The following ATP8B4 variants were observed in gnomAD, a reference collection of about 807,000 sequenced individuals.
ATP8B4 encodes the protein probable phospholipid-transporting ATPase IM.
In ATP8B4, 133 loss-of-function variants were observed where a neutral mutation model predicts 145.6. That is an observed-to-expected ratio of 0.91 (90% CI 0.79 to 1.05). The LOEUF is 1.05. Ranked by LOEUF, ATP8B4 falls within the 50% of genes least tolerant of loss-of-function variation. ATP8B4 has a pLI of 0.00. For missense variants in ATP8B4, 1,458 were observed against 1,425.2 expected (o/e 1.02, Z -0.37); for synonymous variants, 507 against 492.9 (o/e 1.03, Z -0.38).
intron 14 of ATP8B4, among the ~76,000 whole-genome samples, chr15:49,952,330 C>A (rs1459891928): frequency 6.6e-6 from 1 of 152,210 alleles, no homozygotes; most frequent in African/African-American, 2.4e-5. Context: ...TTCTGGTCCT[C>A]CAATCAATCA....
At chr15:50,113,832 C>T (rs938616325) in intron 1 of ATP8B4, among the ~76,000 whole-genome samples, 1 of 63,160 alleles carries the variant, frequency 1.6e-5, no homozygotes, top group African/African-American at 6.6e-5. Flanking sequence ...ACACGAAACT[C>T]CATCTCAAAA....
chr15:50,074,835 G>C (rs902305825), intron 2 of ATP8B4, among the ~76,000 whole-genome samples: 1 of 152,154 alleles, frequency 6.6e-6, no homozygotes, highest in South Asian at 2.1e-4. Context: ...ATTTGCAGAG[G>C]GCAAGATAAG....
chr15:50,177,459 G>C (rs867296680), intron 1 of ATP8B4, among the ~76,000 whole-genome samples: 7 of 152,218 alleles, frequency 4.6e-5, no homozygotes, highest in African/African-American at 1.4e-4. Flanking sequence ...GGGTTTATAA[G>C]TTCAGTACAA....
chr15:50,006,568 G>A lies in ATP8B4; in HGVS notation c.435+4277C>T, dbSNP rs186894042. 4.1e-4 allele frequency among the ~76,000 whole-genome samples: 62 copies of A among 149,942 alleles called. 1 individual carries two copies. The highest frequency in any genetic ancestry group is 1.5e-3 in the African/African-American group (61 of 40,726). ...TGAAAAAGAACAGATGAAATTCCCT[G>A]ATGAGTCAAGAAAGAGCAAAAGCCC... On this transcript the variant is annotated intron_variant, in intron 7 of 27. Transcript: ENST00000284509.
intron 20 of ATP8B4, among the ~76,000 whole-genome samples, chr15:49,909,344 C>A (rs1220897468): frequency 6.6e-6 from 1 of 152,212 alleles, no homozygotes; most frequent in Non-Finnish European, 1.5e-5. Flanking sequence ...AATGGCCTGA[C>A]CAGCCTGTCA....
At chr15:49,932,658 A>C (rs1371174113) in intron 15 of ATP8B4, among the ~76,000 whole-genome samples, 2 of 152,084 alleles carry the variant, frequency 1.3e-5, no homozygotes, top group South Asian at 4.1e-4. Context: ...AAAGAAGCAC[A>C]TTAGCCAGCA....
chr15:50,122,885 C>T (rs917270503), upstream of ATP8B4, among the ~76,000 whole-genome samples: 16 of 152,124 alleles, frequency 1.1e-4, no homozygotes, highest in African/African-American at 3.6e-4. Context: ...GCCTTAACTT[C>T]CTGGTTGCAA....
At position 49,898,077 on chromosome 15, in the gene ATP8B4, T is replaced by A. The variant is rs765659718; in HGVS notation, c.2464A>T (p.Met822Leu). 1.9e-6 allele frequency: 3 copies of A among 1,613,684 alleles called. No individual in the cohort carries two copies. The highest frequency in any genetic ancestry group is 2.5e-6 in the Non-Finnish European group (3 of 1,179,790). ...GCAAATATCCTCTTACTTTTAATCA[T>A]GCTGACATCATTGGCTCCATCACCA... ...AIGDGANDVSMIKSAHIGVGI... is the reference protein window; with the variant it reads ...AIGDGANDVSLIKSAHIGVGI... Residue 822 changes from methionine to leucine, a missense_variant, in exon 22 of 28, where the codon ATG (methionine) becomes TTG (leucine). Met to Leu is a conservative substitution (Grantham distance 15). Transcript: ENST00000284509.
chr15:50,008,911 C>G (rs1320785575), intron 7 of ATP8B4, among the ~76,000 whole-genome samples: 1 of 152,116 alleles, frequency 6.6e-6, no homozygotes, highest in Non-Finnish European at 1.5e-5. Flanking sequence ...TAGCATTGCC[C>G]CTGAAATATT....
chr15:50,123,940 T>C (rs2057290825), upstream of ATP8B4, among the ~76,000 whole-genome samples: 1 of 152,082 alleles, frequency 6.6e-6, no homozygotes, highest in South Asian at 2.1e-4. Flanking sequence ...ATAAAGATAA[T>C]TCAAAGTTTT....
At chr15:50,168,209 A>G (rs988261273) in intron 1 of ATP8B4, among the ~76,000 whole-genome samples, 4 of 152,198 alleles carry the variant, frequency 2.6e-5, no homozygotes, top group Non-Finnish European at 5.9e-5. Flanking sequence ...GGGAGCTCCC[A>G]ACAGAGCAGC....
intron 1 of ATP8B4, among the ~76,000 whole-genome samples, chr15:50,138,961 A>G (rs2044169858): frequency 6.6e-6 from 1 of 152,196 alleles, no homozygotes; most frequent in Non-Finnish European, 1.5e-5. Flanking sequence ...AAGGCTGTGG[A>G]AAAAACAATG....
chr15:50,013,232 G>T (rs2048846807), intron 6 of ATP8B4, among the ~76,000 whole-genome samples: 1 of 151,992 alleles, frequency 6.6e-6, no homozygotes, highest in South Asian at 2.1e-4. Flanking sequence ...AAACATGAAA[G>T]CAGACACTCC....
intron 14 of ATP8B4, among the ~76,000 whole-genome samples, chr15:49,944,353 G>C (rs2042396458): frequency 6.6e-6 from 1 of 152,138 alleles, no homozygotes; most frequent in African/African-American, 2.4e-5. Flanking sequence ...GACACACATA[G>C]TCTAAAAGTG....
intron 3 of ATP8B4, among the ~76,000 whole-genome samples, chr15:50,052,420 C>T (rs577347474): frequency 1.3e-5 from 2 of 152,348 alleles, no homozygotes; most frequent in African/African-American, 4.8e-5. Flanking sequence ...GGCTTGGGCT[C>T]ACAGTCACAG....
rs146795858 is a variant in ATP8B4, at chr15:50,016,170, G to C, written c.363-5253C>G. 3.3e-4 allele frequency among the ~76,000 whole-genome samples: 50 copies of C among 152,310 alleles called. No individual in the cohort carries two copies. In the East Asian group the frequency reaches 8.3e-3, roughly 25 times the overall value. On this transcript the variant is annotated intron_variant, in intron 6 of 27. Coordinates refer to ENST00000284509, the MANE Select transcript of ATP8B4 (RefSeq NM_024837.4). ...GTTTTACCTGAACAATAAGCCTGCT[G>C]AATGTTTTACAGGAAATGTATTCTC...
intron 12 of ATP8B4, among the ~76,000 whole-genome samples, chr15:49,977,489 C>G (rs2045773763): frequency 6.6e-6 from 1 of 152,034 alleles, no homozygotes; most frequent in Non-Finnish European, 1.5e-5. Flanking sequence ...AACACTGTCC[C>G]AACTCTCAGA....
chr15:50,013,446 T>C (rs2048864283), intron 6 of ATP8B4, among the ~76,000 whole-genome samples: 1 of 152,138 alleles, frequency 6.6e-6, no homozygotes, highest in Non-Finnish European at 1.5e-5. Context: ...ATGAATATTC[T>C]GAAAAGAAAG....
chr15:49,952,444 T>G (rs191557022), intron 14 of ATP8B4, among the ~76,000 whole-genome samples: 8 of 152,302 alleles, frequency 5.3e-5, no homozygotes, highest in Admixed American at 2.0e-4. Flanking sequence ...TTCAGTAAGG[T>G]AGTCTTTGAA....
Sources: allele counts gnomAD v4.1 joint callset (sites outside exome capture counted in the v4.1 genomes callset), GRCh38; gene constraint gnomAD v4.1.1; transcripts MANE v1.5; gene names NCBI Gene and HGNC (gene_info 2026-07-23, HGNC 2026-07-21).